Variants in PSME4 observed in about 807,000 individuals in gnomAD.
The protein encoded by PSME4 is proteasome activator subunit 4.
Under a neutral mutation model 253.9 loss-of-function variants are expected in PSME4, and 89 were observed. The ratio of observed to expected loss-of-function variants is 0.35; its 90% CI spans 0.30 to 0.42. The LOEUF is 0.42. PSME4 is among the 10% of genes least tolerant of loss of function. The pLI is 1.00. For missense variants in PSME4, 2,014 were observed against 2,195.2 expected (o/e 0.92, Z 1.65); for synonymous variants, 851 against 759.2 (o/e 1.12, Z -1.99).
At chr2:53,926,740 A>G (rs1463680913) in intron 12 of PSME4, among the ~76,000 whole-genome samples, 2 of 151,984 alleles carry the variant, frequency 1.3e-5, no homozygotes, top group African/African-American at 2.4e-5. Context: ...TGGGAGGTCA[A>G]GGCGGGCAGA....
chr2:53,967,434 G>A (rs1288879174), intron 1 of PSME4, among the ~76,000 whole-genome samples: 1 of 151,824 alleles, frequency 6.6e-6, no homozygotes, highest in African/African-American at 2.4e-5. Flanking sequence ...CAGATCACCT[G>A]GGTTCGAGAC....
rs1364817187 is a variant in PSME4 at position 53,866,218 on chromosome 2, A to G, written c.5403T>C (p.Thr1801=). 1.2e-6 allele frequency: 2 copies of G among 1,613,916 alleles called. No homozygotes were observed. Among genetic ancestry groups the G allele is most frequent in the African/African-American group, 1.3e-5 (1 of 75,032 alleles). ...GGAAATTGGATAAGGTTTTTTTTAC[A>G]GTCATCTGTAAAGTAGACAACCCAC... is the stretch of plus-strand genomic sequence containing the variant. ...HLNDPQPIEM[T]VKKTLSNFRR... The change falls in exon 46 of 47, where the codon ACT becomes ACC. Residue 1801 remains threonine (T), a synonymous_variant. Coordinates refer to ENST00000404125, the MANE Select transcript of PSME4 (RefSeq NM_014614.3).
Position 53,970,879 on chromosome 2 carries a change from T to A in PSME4, c.-95A>T. 2 of 1,121,894 alleles carry A rather than the reference T, an allele frequency of 1.8e-6. No homozygotes were observed. The highest frequency in any genetic ancestry group is 2.4e-6 in the Non-Finnish European group (2 of 843,558). The allele number at this position is 1,121,894 out of a possible 1,614,324, so 69.5% of individuals were successfully genotyped here. On this transcript the variant is annotated 5_prime_UTR_variant, in exon 1 of 47. Coordinates refer to ENST00000404125, the MANE Select transcript of PSME4 (RefSeq NM_014614.3). ...CGCCTCCTCCGCGTCTTCGTCGCCC[T>A]GCGGCCGCTGGCGGCCCGTCGCCCT...
chr2:53,908,320 C>T lies in PSME4; in HGVS notation c.2784G>A (p.Arg928=). ...CAGACTTTTAGGTGAAAATACTGACCCGATTTTCCATTGATTTCTTTACTA... is the reference window on the plus strand; with the variant it reads ...CAGACTTTTAGGTGAAAATACTGACTCGATTTTCCATTGATTTCTTTACTA... ...FNLVKKSMEN[R]LHGKKQHIRA... The change falls in exon 24 of 47, where the codon CGG becomes CGA. Residue 928 remains arginine (R), a splice_region_variant and synonymous_variant. Coordinates refer to ENST00000404125, the MANE Select transcript of PSME4 (RefSeq NM_014614.3). 3 of 1,605,118 alleles carry T rather than the reference C, an allele frequency of 1.9e-6. No homozygotes were observed. Among genetic ancestry groups the T allele is most frequent in the Non-Finnish European group, 2.6e-6 (3 of 1,173,522 alleles).
Position 53,921,047 on chromosome 2 carries a change from G to C in PSME4, c.2104C>G (p.Leu702Val), listed in dbSNP as rs767264586. 6.2e-7 allele frequency: 1 copy of C among 1,613,994 alleles called. No homozygotes were observed. The highest frequency in any genetic ancestry group is 1.7e-5 in the Admixed American group (1 of 60,006). The change falls in exon 18 of 47, where the codon CTC becomes GTC. Residue 702 changes from leucine (L) to valine (V), a missense_variant. Physicochemically the swap from Leu to Val is conservative, Grantham distance 32 (BLOSUM62 1). This residue lies in a region of PSME4 where 989 missense variants were observed against 1,021.1 expected (regional missense o/e 0.97). Transcript: ENST00000404125. ...CAGGTTAAATGTAGGGTTCTTTGGA[G>C]AATCTTTACAAGCTGCTCCCTATAA... ...LLYREQLVKILQRTLHLTCKQ... is the reference protein window; with the variant it reads ...LLYREQLVKIVQRTLHLTCKQ...
chr2:53,940,061 A>G (rs1302158399), intron 3 of PSME4, 61 bp from the exon 4 acceptor site: 9 of 1,213,956 alleles, frequency 7.4e-6, no homozygotes, highest in South Asian at 1.5e-5. Context: ...ATCTAATTCA[A>G]TTAATAAATA....
chr2:53,883,091 C>T (rs1327816752), intron 41 of PSME4, among the ~76,000 whole-genome samples: 2 of 152,020 alleles, frequency 1.3e-5, no homozygotes, highest in Non-Finnish European at 2.9e-5. Flanking sequence ...TGAATATTTC[C>T]TTCCAACTTT....
chr2:53,919,565 A>G (rs1668206396), intron 19 of PSME4, among the ~76,000 whole-genome samples: 1 of 152,212 alleles, frequency 6.6e-6, no homozygotes, highest in South Asian at 2.1e-4. Flanking sequence ...ATAATGCTAC[A>G]GAAGATCTTC....
intron 3 of PSME4, among the ~76,000 whole-genome samples, chr2:53,944,055 T>C (rs2104471917): frequency 6.6e-6 from 1 of 152,342 alleles, no homozygotes; most frequent in East Asian, 1.9e-4. Context: ...TTGAACTAAG[T>C]ATTTTTTAAA....
rs1558413945 is a variant in PSME4, at chr2:53,940,968, T to TAATACATATTTAA, written c.501-969_501-968insTTAAATATGTATT. On this transcript the variant is annotated intron_variant, in intron 3 of 46. Transcript: ENST00000404125. ...ATATATATACATATATATATATATATATATATATATATATATATATATATA... is the reference window on the plus strand; with the variant it reads ...ATATATATACATATATATATATATATAATACATATTTAAATATATATATATATATATATATATA... Among the ~76,000 whole-genome samples, 34 of 70,540 alleles carry TAATACATATTTAA rather than the reference T, an allele frequency of 4.8e-4. 1 individual carries two copies. Among genetic ancestry groups the TAATACATATTTAA allele is most frequent in the South Asian group, 1.5e-3 (3 of 2,010 alleles). 46.3% of individuals were successfully genotyped at this position (70,540 alleles called of 152,430 possible).
At chr2:53,925,781 T>C in intron 13 of PSME4, 92 bp from the exon 14 acceptor site, 1 of 1,363,202 alleles carries the variant, frequency 7.3e-7, no homozygotes, top group Admixed American at 2.0e-5. Context: ...GTCCTAATTA[T>C]TCAAGTGATA....
rs1679975162 is a variant in PSME4, at chr2:53,892,918, T to G, written c.4081A>C (p.Lys1361Gln). The change falls in exon 36 of 47, where the codon AAG (lysine) becomes CAG (glutamine). Residue 1361 changes from lysine to glutamine, a missense_variant. Around this residue, in one of 4 missense-constraint regions of PSME4, gnomAD observed 989 missense variants for 1,021.1 expected, o/e 0.97. Coordinates refer to ENST00000404125, the MANE Select transcript of PSME4 (RefSeq NM_014614.3). Reference sequence around the variant, plus strand: ...GCAACCAAATGTTCTAAATGGGGCTTCAGAACTGGCAGGAAGGCATCATCA... The same window carrying G: ...GCAACCAAATGTTCTAAATGGGGCTGCAGAACTGGCAGGAAGGCATCATCA... ...NFDDAFLPVLKPHLEHLVADS... is the reference protein window; with the variant it reads ...NFDDAFLPVLQPHLEHLVADS... 3 of 1,613,672 alleles carry G rather than the reference T, an allele frequency of 1.9e-6. No homozygotes were observed. Among genetic ancestry groups the G allele is most frequent in the Non-Finnish European group, 1.7e-6 (2 of 1,179,854 alleles).
chr2:53,967,209 C>T (rs1392953771), intron 1 of PSME4, among the ~76,000 whole-genome samples: 1 of 152,158 alleles, frequency 6.6e-6, no homozygotes, highest in African/African-American at 2.4e-5. Flanking sequence ...CCTCTCTTGA[C>T]CAGACAGTTC....
chr2:53,882,618 T>G (rs1485834270), intron 41 of PSME4, among the ~76,000 whole-genome samples: 1 of 152,210 alleles, frequency 6.6e-6, no homozygotes, highest in Non-Finnish European at 1.5e-5. Flanking sequence ...GGAGATGAAT[T>G]TGATCCAGGC....
At chr2:53,927,615 C>A in intron 11 of PSME4, 132 bp from the exon 12 acceptor site, 3 of 719,486 alleles carry the variant, frequency 4.2e-6, no homozygotes, top group Non-Finnish European at 7.2e-6. Context: ...TCTGGGTATT[C>A]CTCATTTAGA....
At chr2:53,962,623 T>A (rs1183453022) in intron 1 of PSME4, among the ~76,000 whole-genome samples, 1 of 152,214 alleles carries the variant, frequency 6.6e-6, no homozygotes, top group Admixed American at 6.5e-5. Context: ...AGATTTTCTT[T>A]TCAAATAATA....
intron 3 of PSME4, among the ~76,000 whole-genome samples, chr2:53,947,500 T>TA (rs1374180662): frequency 1.3e-5 from 2 of 150,568 alleles, no homozygotes; most frequent in Non-Finnish European, 3.0e-5. Context: ...GGTCAGGAGA[T>TA]AGAGACCATC....
intron 1 of PSME4, among the ~76,000 whole-genome samples, chr2:53,967,553 A>G (rs1402422041): frequency 6.9e-6 from 1 of 144,902 alleles, no homozygotes; most frequent in Non-Finnish European, 1.5e-5. Context: ...GAGGCAGGAG[A>G]ATCGTTTGAA....
intron 1 of PSME4, among the ~76,000 whole-genome samples, chr2:53,958,616 A>G (rs1482875513): frequency 6.6e-6 from 1 of 152,244 alleles, no homozygotes; most frequent in Admixed American, 6.5e-5. Flanking sequence ...ATTCAGGACA[A>G]TAATGACTAT....
Sources: gnomAD v4.1 joint callset for allele counts (sites outside exome capture counted in the v4.1 genomes callset) on GRCh38, gnomAD v4.1.1 for gene constraint, gnomAD v4.1.1 regional missense constraint, MANE v1.5 for transcripts, NCBI Gene and HGNC (gene_info 2026-07-23, HGNC 2026-07-21) for gene names.